The following CEP131 variants were observed in gnomAD, a reference collection of about 807,000 sequenced individuals.
The protein encoded by CEP131 is centrosomal protein 131.
CEP131 carries 99 observed loss-of-function variants against 136.8 expected under a neutral mutation model. That is an observed-to-expected ratio of 0.72 (90% CI 0.62 to 0.86). CEP131 has a LOEUF of 0.86. CEP131 is among the 40% of genes least tolerant of loss of function. The pLI, the probability that CEP131 is intolerant of heterozygous loss-of-function variation, is 0.00. For missense variants in CEP131, 1,459 were observed against 1,463.0 expected (o/e 1.00, Z 0.04); for synonymous variants, 646 against 612.7 (o/e 1.05, Z -0.80).
At chr17:81,218,762 C>G (rs1202094154) in intron 2 of CEP131, among the ~76,000 whole-genome samples, 1 of 152,202 alleles carries the variant, frequency 6.6e-6, no homozygotes, top group Non-Finnish European at 1.5e-5. Flanking sequence ...GGGGGTGCTT[C>G]TAGGGCAGAC....
At position 81,199,823 on chromosome 17, in the gene CEP131, G is replaced by T. The variant is rs371425954; in HGVS notation, c.919C>A (p.Arg307=). The change falls in exon 9 of 26, where the codon CGG becomes AGG. Residue 307 remains arginine (R), a synonymous_variant. Transcript: ENST00000450824. ...TCCAAGAGGGTCCCCTCGCCTGACC[G>T]CTGCCGCTGCTCCTGCCAAAGAAGC... ...LQAKREEQRQ[R]SGEGTLLDLH... 1 of 1,610,840 alleles carries T rather than the reference G, an allele frequency of 6.2e-7. No individual in the cohort carries two copies. Among genetic ancestry groups the T allele is most frequent in the Non-Finnish European group, 8.5e-7 (1 of 1,179,882 alleles).
intron 15 of CEP131, among the ~76,000 whole-genome samples, chr17:81,196,485 C>T (rs2061757203): frequency 1.3e-5 from 2 of 152,256 alleles, no homozygotes. Context: ...CACCCCACTA[C>T]ACTCACACGG....
chr17:81,198,755 A>G (rs2061823688), intron 11 of CEP131, 122 bp downstream of exon 11: 1 of 1,005,306 alleles, frequency 9.9e-7, no homozygotes, highest in South Asian at 1.5e-5. Context: ...GGCCTCTCTG[A>G]GCTTAAGTGG....
chr17:81,200,363 G>A lies in CEP131; in HGVS notation c.872C>T (p.Ala291Val), dbSNP rs1376685418. The A allele has an allele frequency of 1.9e-6, 3 of 1,588,350 alleles. No homozygotes were observed. Among genetic ancestry groups the A allele is most frequent in the African/African-American group, 1.3e-5 (1 of 74,316 alleles). Residue 291 changes from alanine (A) to valine (V), a missense_variant, in exon 8 of 26, where the codon GCC becomes GTC. By Grantham distance (64) the Ala-to-Val change is moderately conservative. Around this residue, in one of 3 missense-constraint regions of CEP131, gnomAD observed 246 missense variants for 318.9 expected, o/e 0.77. Coordinates refer to ENST00000450824, the MANE Select transcript of CEP131 (RefSeq NM_014984.4). ...GGCCTGAAGCAAGTGCTCCAGGCGG[G>A]CAGCTCCTGCTCCGCGCCGCTGCAC... ...HQVQRRGAGA[A>V]RLEHLLQAKR...
chr17:81,209,039 AAC>A lies in CEP131; in HGVS notation c.178-19_178-18del, dbSNP rs753302261. On this transcript the variant is annotated intron_variant, in intron 2 of 25. Coordinates refer to ENST00000450824, the MANE Select transcript of CEP131 (RefSeq NM_014984.4). ...TGTGGCCTCCTGCAAAAAGGGAGAA[AAC>A]AGTTAATTATGCAGCAAAGGCTCAC... 79 of 1,576,434 alleles carry A rather than the reference AAC, an allele frequency of 5.0e-5. No individual in the cohort carries two copies. Among genetic ancestry groups the A allele is most frequent in the Non-Finnish European group, 6.7e-5 (77 of 1,148,104 alleles).
At chr17:81,217,389 G>T (rs1258551883) in intron 2 of CEP131, among the ~76,000 whole-genome samples, 1 of 151,922 alleles carries the variant, frequency 6.6e-6, no homozygotes, top group Non-Finnish European at 1.5e-5. Context: ...CGAGCCAGGG[G>T]ACAGCACCCC....
At position 81,197,062 on chromosome 17, in the gene CEP131, A is replaced by G; in HGVS notation, c.1648-7T>C. The G allele has an allele frequency of 6.3e-7, 1 of 1,583,598 alleles. No homozygotes were observed. The highest frequency in any genetic ancestry group is 8.6e-7 in the Non-Finnish European group (1 of 1,165,154). On this transcript the variant is annotated splice_polypyrimidine_tract_variant and splice_region_variant and intron_variant, in intron 13 of 25. Transcript: ENST00000450824. ...CCGCCTCCGGCACCCACCCCTGCAGACACAGCCGAGCGTCAGGCGGAAGCG... is the reference window on the plus strand; with the variant it reads ...CCGCCTCCGGCACCCACCCCTGCAGGCACAGCCGAGCGTCAGGCGGAAGCG...
intron 12 of CEP131, 99 bp from the exon 13 acceptor site, chr17:81,197,987 G>A: frequency 9.9e-6 from 15 of 1,516,288 alleles, no homozygotes; most frequent in African/African-American, 1.4e-5. Context: ...CTCTGGGAGG[G>A]AGGGTTGTGA....
At chr17:81,197,255 G>A (rs1001141207) in intron 13 of CEP131, 200 bp from the exon 14 acceptor site, 3 of 665,846 alleles carry the variant, frequency 4.5e-6, no homozygotes, top group African/African-American at 1.8e-5. Context: ...GGGGGCCGTG[G>A]CCTCAGGAAT....
At chr17:81,198,390 C>CG in intron 11 of CEP131, 93 bp from the exon 12 acceptor site, 1 of 1,311,448 alleles carries the variant, frequency 7.6e-7, no homozygotes, top group Non-Finnish European at 1.0e-6. Context: ...CCAAAGGCGC[C>CG]GCGGGAGCTC....
At position 81,219,907 on chromosome 17, in the gene CEP131, T is replaced by C; in HGVS notation, c.150A>G (p.Thr50=). 1.9e-6 allele frequency: 3 copies of C among 1,609,536 alleles called. No individual in the cohort carries two copies. The highest frequency in any genetic ancestry group is 3.3e-4 in the Middle Eastern group (2 of 6,054). The change falls in exon 2 of 26, where the codon ACA becomes ACG. Residue 50 remains threonine, a synonymous_variant. Transcript: ENST00000450824. The surrounding 1 kb of genome is among the most constrained non-coding windows in gnomAD (Gnocchi z 4.0). The stretch of plus-strand genomic sequence containing the variant: ...GCACCTTCCTCTTCTGCTCGCTGCC[T>C]GTGACCACGGAGACAGAGCGGACGA... The part of the protein sequence containing the change: ...KPIVRSVSVV[T]GSEQKRKVLE...
rs184144628 is a variant in CEP131, at chr17:81,219,844, A to C, written c.177+36T>G. The C allele has an allele frequency of 4.3e-5, 65 of 1,514,404 alleles. No homozygotes were observed. In the African/African-American group the frequency reaches 7.3e-4, roughly 17 times the overall value. 93.8% of individuals were successfully genotyped at this position (1,514,404 alleles called of 1,614,324 possible). On this transcript the variant is annotated intron_variant, in intron 2 of 25. Coordinates refer to ENST00000450824, the MANE Select transcript of CEP131 (RefSeq NM_014984.4). This position sits in a 1 kb window ranked among gnomAD's most constrained non-coding sequence, Gnocchi z 4.0. ...GCCAACTGAACAACAGCCCTCCAGGAGGCAGGGGCCCGGACTCCTAGGCCA... is the reference window on the plus strand; with the variant it reads ...GCCAACTGAACAACAGCCCTCCAGGCGGCAGGGGCCCGGACTCCTAGGCCA...
Position 81,222,919 on chromosome 17 carries a change from G to A in CEP131, c.-168C>T, listed in dbSNP as rs2062420425. ...ACCCCCAACACTGCCCCGAGGCCCG[G>A]TGACAATGAAGCGGCCGGACGGCCG... is the stretch of plus-strand genomic sequence containing the variant. On this transcript the variant is annotated 5_prime_UTR_variant, in exon 1 of 26. Coordinates refer to ENST00000450824, the MANE Select transcript of CEP131 (RefSeq NM_014984.4). 6.6e-6 allele frequency: 1 copy of A among 152,322 alleles called. No individual in the cohort carries two copies. Among genetic ancestry groups the A allele is most frequent in the Non-Finnish European group, 1.5e-5 (1 of 68,112 alleles). 9.4% of individuals were successfully genotyped at this position (152,322 alleles called of 1,614,324 possible). A position where few individuals can be genotyped will look rare whatever the true frequency, so the allele number is the denominator to read the frequency against.
intron 15 of CEP131, 136 bp downstream of exon 15, chr17:81,196,565 T>C (rs1175137809): frequency 1.5e-6 from 2 of 1,341,176 alleles, no homozygotes; most frequent in African/African-American, 1.5e-5. Flanking sequence ...TGGGAAAGGC[T>C]TGGAATGCGT....
intron 7 of CEP131, 144 bp downstream of exon 7, chr17:81,202,096 G>A (rs1406152435): frequency 2.9e-5 from 14 of 476,578 alleles, no homozygotes; most frequent in Non-Finnish European, 4.0e-5. Context: ...GCGAGACTCT[G>A]TCTCAAAAAA....
At chr17:81,196,856 C>T in intron 14 of CEP131, 30 bp from the exon 15 acceptor site, 1 of 1,600,418 alleles carries the variant, frequency 6.2e-7, no homozygotes, top group Non-Finnish European at 8.5e-7. Flanking sequence ...GAGGGAAGCG[C>T]TAGGACCGGT....
At chr17:81,216,420 A>G (rs2062247939) in intron 2 of CEP131, among the ~76,000 whole-genome samples, 1 of 151,946 alleles carries the variant, frequency 6.6e-6, no homozygotes, top group African/African-American at 2.4e-5. Context: ...AATCCATGCT[A>G]CTCAGGATGC....
At chr17:81,213,250 A>G (rs931630946) in intron 2 of CEP131, among the ~76,000 whole-genome samples, 1 of 152,224 alleles carries the variant, frequency 6.6e-6, no homozygotes, top group East Asian at 1.9e-4. Context: ...GTCCATTATA[A>G]TAAATGATTG....
chr17:81,192,461 C>T lies in CEP131; in HGVS notation c.2547+15G>A. The T allele has an allele frequency of 6.2e-7, 1 of 1,611,998 alleles. No homozygotes were observed. The highest frequency in any genetic ancestry group is 1.1e-5 in the South Asian group (1 of 91,016). On this transcript the variant is annotated intron_variant, in intron 20 of 25. Transcript: ENST00000450824. ...GCCCCCTGGCCAGGCCCAGCACAGC[C>T]CTCCGGTGGTAGACCTGGTGCCGGC...
Sources: allele counts gnomAD v4.1 joint callset (sites outside exome capture counted in the v4.1 genomes callset), GRCh38; gene constraint gnomAD v4.1.1; regional missense constraint gnomAD v4.1.1; non-coding constraint Gnocchi (gnomAD v3.1); transcripts MANE v1.5; gene names NCBI Gene and HGNC (gene_info 2026-07-23, HGNC 2026-07-21).